ZNF280D: variants seen among roughly 807,000 people sequenced by gnomAD.
ZNF280D encodes the protein suppressor of hairy wing homolog 4.
In ZNF280D, 39 loss-of-function variants were observed where a neutral mutation model predicts 94.7. The ratio of observed to expected loss-of-function variants is 0.41; its 90% CI spans 0.32 to 0.54. The LOEUF (loss-of-function observed/expected upper bound fraction) is 0.54. ZNF280D is among the 20% of genes least tolerant of loss of function. The probability of loss-of-function intolerance (pLI) is 0.22; values close to 1 mark genes in which losing one functional copy is unlikely to be tolerated. For missense variants in ZNF280D, 1,090 were observed against 1,149.3 expected (o/e 0.95, Z 0.75); for synonymous variants, 398 against 377.6 (o/e 1.05, Z -0.63).
chr15:56,671,879 C>T (rs11636672), intron 13 of ZNF280D, among the ~76,000 whole-genome samples: 113,247 of 151,730 alleles, frequency 0.75, 42,700 homozygotes, highest in Non-Finnish European at 0.79. Flanking sequence ...ATAGTTCTCA[C>T]TGCAGAGATC....
At position 56,685,402 on chromosome 15, in the gene ZNF280D, A is replaced by G. The variant is rs2055934682; in HGVS notation, c.781-2925T>C. Among the ~76,000 whole-genome samples, 4 of 151,424 alleles carry G rather than the reference A, an allele frequency of 2.6e-5. No individual in the cohort carries two copies. The Admixed American group carries it at 2.7e-4, about 10-fold the overall frequency. ...GTAATGTCATATGCCCTGACAATGG[A>G]AAAACAATACAATGAACAAATAAAA... is the stretch of plus-strand genomic sequence containing the variant. On this transcript the variant is annotated intron_variant, in intron 9 of 21. Coordinates refer to ENST00000267807, the MANE Select transcript of ZNF280D (RefSeq NM_017661.4).
rs1395798162 is a variant in ZNF280D at position 56,666,815 on chromosome 15, T to G, written c.1717A>C (p.Ser573Arg). Residue 573 changes from serine (S) to arginine (R), a missense_variant, in exon 15 of 22, where the codon AGT (serine) becomes CGT (arginine). Ser to Arg is a moderately radical substitution (Grantham distance 110). Transcript: ENST00000267807. ...SKPNTVKSNA[S>R]KPNTSKPNGS... is the part of the protein sequence containing the mutation. ...TTAGGCTTACTTGTATTAGGTTTAC[T>G]TGCGTTGGATTTGACTGTATTAGGT... 9 of 1,613,898 alleles carry G rather than the reference T, an allele frequency of 5.6e-6. No homozygotes were observed. Among genetic ancestry groups the G allele is most frequent in the Non-Finnish European group, 7.6e-6 (9 of 1,179,886 alleles).
chr15:56,712,585 C>A (rs1238864642), intron 1 of ZNF280D, among the ~76,000 whole-genome samples: 7 of 121,906 alleles, frequency 5.7e-5, no homozygotes, highest in Non-Finnish European at 8.5e-5. Context: ...CAGTGTGAGA[C>A]CCTCATACCA....
chr15:56,712,594 C>CAAA (rs1171267893), intron 1 of ZNF280D, among the ~76,000 whole-genome samples: 301 of 76,744 alleles, frequency 3.9e-3, no homozygotes, highest in African/African-American at 4.4e-3. Context: ...ACCCTCATAC[C>CAAA]AAAAAAAAAA....
intron 19 of ZNF280D, chr15:56,653,838 G>GA (rs199815036): frequency 1.4e-3 from 1,682 of 1,207,298 alleles, no homozygotes; most frequent in East Asian, 4.7e-3. Flanking sequence ...GCAAACTGGA[G>GA]AAAAAAAAAT....
At chr15:56,647,007 G>A (rs929268615) in intron 19 of ZNF280D, among the ~76,000 whole-genome samples, 5 of 152,178 alleles carry the variant, frequency 3.3e-5, no homozygotes, top group Non-Finnish European at 7.4e-5. Flanking sequence ...CAGGCACAAA[G>A]CAAAGTAGTC....
At chr15:56,717,694 C>T (rs1370186681) in intron 1 of ZNF280D, among the ~76,000 whole-genome samples, 1 of 152,122 alleles carries the variant, frequency 6.6e-6, no homozygotes, top group African/African-American at 2.4e-5. Flanking sequence ...CTATCATCAT[C>T]CCCTGTTTAC....
intron 1 of ZNF280D, among the ~76,000 whole-genome samples, chr15:56,715,676 T>C (rs1368644517): frequency 6.6e-6 from 1 of 151,998 alleles, no homozygotes; most frequent in African/African-American, 2.4e-5. Flanking sequence ...CTTTAAAAGA[T>C]CTCAATAAGA....
intron 7 of ZNF280D, among the ~76,000 whole-genome samples, chr15:56,689,850 A>C (rs2056319578): frequency 6.6e-6 from 1 of 152,166 alleles, no homozygotes. Context: ...CATTGAGTAC[A>C]CTAGAGTTTG....
At position 56,631,298 on chromosome 15, in the gene ZNF280D, T is replaced by C. The variant is rs971405168; in HGVS notation, c.*200A>G. ...ATCCTGTTCGTGTTTTTAAAAACTT[T>C]TTGGGAATCCCTACTAATCATGCTA... On this transcript the variant is annotated 3_prime_UTR_variant, in exon 22 of 22. Transcript: ENST00000267807. 9 of 515,742 alleles carry C rather than the reference T, an allele frequency of 1.7e-5. No homozygotes were observed. Among genetic ancestry groups the C allele is most frequent in the Non-Finnish European group, 3.0e-5 (9 of 301,020 alleles). 31.9% of individuals were successfully genotyped at this position (515,742 alleles called of 1,614,324 possible).
rs769757109 is a variant in ZNF280D at position 56,699,662 on chromosome 15, A to G, written c.381+1271T>C. ...TTAAAGATTTGTCACTCATTCTTTC[A>G]TGTAACAACAAAAAAAAATCAGGTA... On this transcript the variant is annotated intron_variant, in intron 6 of 21. Transcript: ENST00000267807. 4.2e-4 allele frequency: 343 copies of G among 824,334 alleles called. 1 individual carries two copies. Among genetic ancestry groups the G allele is most frequent in the Non-Finnish European group, 4.9e-4 (338 of 683,428 alleles). The allele number at this position is 824,334 out of a possible 1,614,324, so 51.1% of individuals were successfully genotyped here. A position where few individuals can be genotyped will look rare whatever the true frequency, so the allele number is the denominator to read the frequency against.
chr15:56,705,800 G>C (rs991063620), intron 3 of ZNF280D, among the ~76,000 whole-genome samples: 1 of 151,758 alleles, frequency 6.6e-6, no homozygotes, highest in Non-Finnish European at 1.5e-5. Flanking sequence ...TATGTCTAAC[G>C]TCATATAGGA....
At chr15:56,709,007 T>C (rs1202965605) in intron 1 of ZNF280D, among the ~76,000 whole-genome samples, 2 of 151,948 alleles carry the variant, frequency 1.3e-5, no homozygotes, top group Admixed American at 1.3e-4. Flanking sequence ...AATTGACAAA[T>C]GGGATCTAAT....
At chr15:56,675,433 C>T (rs1566967718) in intron 13 of ZNF280D, among the ~76,000 whole-genome samples, 1 of 147,058 alleles carries the variant, frequency 6.8e-6, no homozygotes, top group Admixed American at 6.8e-5. Flanking sequence ...GATGAAGATA[C>T]TTTTTTTTTT....
At chr15:56,713,880 G>A (rs1275442817) in intron 1 of ZNF280D, among the ~76,000 whole-genome samples, 1 of 152,112 alleles carries the variant, frequency 6.6e-6, no homozygotes, top group Non-Finnish European at 1.5e-5. Flanking sequence ...GAAAAGCAGT[G>A]AATGATGATA....
At chr15:56,704,049 A>T in intron 4 of ZNF280D, 72 bp downstream of exon 4, 1 of 1,542,836 alleles carries the variant, frequency 6.5e-7, no homozygotes, top group Non-Finnish European at 8.8e-7. Context: ...ACTACCTATT[A>T]AACAGTTCAC....
intron 1 of ZNF280D, among the ~76,000 whole-genome samples, chr15:56,731,259 T>C (rs150460588): frequency 0.04 from 6,124 of 152,068 alleles, 204 homozygotes; most frequent in South Asian, 0.16. Context: ...TCCCAGCACT[T>C]TGGGAGGCCG....
chr15:56,700,537 C>A, intron 6 of ZNF280D: 1 of 1,046,766 alleles, frequency 9.6e-7, no homozygotes. Flanking sequence ...ACTAACTGAA[C>A]TATGAAGGAA....
chr15:56,708,228 A>G (rs1428330711), intron 1 of ZNF280D, among the ~76,000 whole-genome samples: 2 of 152,194 alleles, frequency 1.3e-5, no homozygotes, highest in African/African-American at 4.8e-5. Context: ...AAAAATTATT[A>G]CTTTAATTTC....
Sources: gnomAD v4.1 joint callset for allele counts (sites outside exome capture counted in the v4.1 genomes callset) on GRCh38, gnomAD v4.1.1 for gene constraint, MANE v1.5 for transcripts, NCBI Gene and HGNC (gene_info 2026-07-23, HGNC 2026-07-21) for gene names.